DNHD1: variants seen among roughly 807,000 people sequenced by gnomAD.
The protein encoded by DNHD1 is dynein heavy chain domain-containing protein 1.
In DNHD1, 383 loss-of-function variants were observed where a neutral mutation model predicts 458.1. The ratio of observed to expected loss-of-function variants is 0.84; its 90% confidence interval spans 0.77 to 0.91. The LOEUF (loss-of-function observed/expected upper bound fraction) is 0.91, where lower values mean the gene tolerates loss of function less well. Ranked by LOEUF, DNHD1 falls within the 40% of genes least tolerant of loss-of-function variation. The pLI is 0.00. For synonymous variants in DNHD1, 2,203 were observed against 2,376.9 expected (o/e 0.93, Z 2.13); for missense variants, 5,336 against 5,866.1 (o/e 0.91, Z 2.95).
rs182007889 is a variant in DNHD1, at chr11:6,528,550, C to T, written c.1866C>T (p.Asp622=). 30 of 1,550,672 alleles carry T rather than the reference C, an allele frequency of 1.9e-5. No homozygotes were observed. In the African/African-American group the frequency reaches 2.6e-4, roughly 13 times the overall value. Residue 622 remains aspartate, a synonymous_variant, in exon 11 of 43, where the codon GAC becomes GAT. Coordinates refer to ENST00000254579, the MANE Select transcript of DNHD1 (RefSeq NM_144666.3). ...AAGATGAAGAGGAGGACTCAAAAGACGAATTTCTGATGCCCAAGTTCCAGG... is the reference window on the plus strand; with the variant it reads ...AAGATGAAGAGGAGGACTCAAAAGATGAATTTCTGATGCCCAAGTTCCAGG... ...EEEDEEEDSK[D]EFLMPKFQGQ... is the part of the protein sequence containing the mutation.
Position 6,548,540 on chromosome 11 carries a change from AT to A in DNHD1, c.7099-101del. 2 of 1,472,154 alleles carry A rather than the reference AT, an allele frequency of 1.4e-6. No individual in the cohort carries two copies. The highest frequency in any genetic ancestry group is 1.3e-5 in the South Asian group (1 of 78,686). 91.2% of individuals were successfully genotyped at this position (1,472,154 alleles called of 1,614,324 possible). Reference sequence around the variant, plus strand: ...TCACAATCACAAGAATACATGAAATATTTTCCAAGTACAGCTCTAGGACAAG... The same window carrying A: ...TCACAATCACAAGAATACATGAAATATTTCCAAGTACAGCTCTAGGACAAG... On this transcript the variant is annotated intron_variant, in intron 23 of 42. Transcript: ENST00000254579. This position sits in a 1 kb window ranked among gnomAD's most constrained non-coding sequence, Gnocchi z 4.4.
In DNHD1 at chr11:6,548,401, A is replaced by T. The variant is rs1361364262; in HGVS notation, c.7097A>T (p.Gln2366Leu). The T allele has an allele frequency of 6.4e-7, 1 of 1,551,470 alleles. No homozygotes were observed. The highest frequency in any genetic ancestry group is 1.4e-5 in the African/African-American group (1 of 73,046). Reference sequence around the variant, plus strand: ...TTGGGCACCTTTCACCCTTCTATCCAGGTGTGAGGACAGTAAGGCAAGAGC... The same window carrying T: ...TTGGGCACCTTTCACCCTTCTATCCTGGTGTGAGGACAGTAAGGCAAGAGC... Reference protein sequence around the residue: ...GTLGTFHPSIQTERLLYVVDL... With the variant: ...GTLGTFHPSILTERLLYVVDL... Residue 2366 changes from glutamine (Q) to leucine (L), a missense_variant and splice_region_variant, in exon 23 of 43, where the codon CAG (glutamine) becomes CTG (leucine). By Grantham distance (113) the Gln-to-Leu change is moderately radical. Around this residue, in one of 4 missense-constraint regions of DNHD1, gnomAD observed 3,932 missense variants for 4,365.6 expected, o/e 0.90. Transcript: ENST00000254579. This position sits in a 1 kb window ranked among gnomAD's most constrained non-coding sequence, Gnocchi z 4.4.
At chr11:6,520,406 G>A in intron 10 of DNHD1, 117 bp downstream of exon 10, 1 of 1,536,348 alleles carries the variant, frequency 6.5e-7, no homozygotes, top group East Asian at 2.5e-5. Context: ...ACTGGGTGTG[G>A]ATGGAGCAGC....
At position 6,549,077 on chromosome 11, in the gene DNHD1, T is replaced by C. The variant is rs965772411; in HGVS notation, c.7387+144T>C. ...TCTTAATATCTTCTCATTCTACATA[T>C]GCTCCCTGAACAATCCCATCCACTC... On this transcript the variant is annotated intron_variant, in intron 24 of 42. Coordinates refer to ENST00000254579, the MANE Select transcript of DNHD1 (RefSeq NM_144666.3). 24 of 919,522 alleles carry C rather than the reference T, an allele frequency of 2.6e-5. No individual in the cohort carries two copies. In the East Asian group the frequency reaches 4.5e-4, roughly 17 times the overall value. 57.0% of individuals were successfully genotyped at this position (919,522 alleles called of 1,614,324 possible).
At chr11:6,549,167 A>T (rs1476379241) in intron 24 of DNHD1, 1 of 566,068 alleles carries the variant, frequency 1.8e-6, no homozygotes, top group Non-Finnish European at 3.1e-6. Context: ...TAAGCACCAG[A>T]TCTGTCTATC....
chr11:6,506,180 T>G (rs746765496), intron 4 of DNHD1, among the ~76,000 whole-genome samples: 13 of 152,212 alleles, frequency 8.5e-5, no homozygotes, highest in African/African-American at 1.2e-4. Context: ...TAAAGGTAGT[T>G]AAATGTCAAT....
Position 6,546,485 on chromosome 11 carries a change from T to C in DNHD1, c.5546T>C (p.Phe1849Ser). ...TLLGAGMRDA[F>S]QMATRLSKFF... ...CTGGGTGCAGGGATGAGGGATGCCT[T>C]CCAGATGGCTACCCGCCTATCCAAA... Residue 1849 changes from phenylalanine (F) to serine (S), a missense_variant, in exon 21 of 43, where the codon TTC becomes TCC. Phe to Ser is a radical substitution (Grantham distance 155). Around this residue, in one of 4 missense-constraint regions of DNHD1, gnomAD observed 3,932 missense variants for 4,365.6 expected, o/e 0.90. Transcript: ENST00000254579. The C allele has an allele frequency of 6.4e-7, 1 of 1,550,708 alleles. No homozygotes were observed. Among genetic ancestry groups the C allele is most frequent in the Non-Finnish European group, 8.7e-7 (1 of 1,146,986 alleles).
Position 6,556,951 on chromosome 11 carries a change from T to C in DNHD1, c.7656T>C (p.Ser2552=). 1.3e-6 allele frequency: 2 copies of C among 1,551,742 alleles called. No individual in the cohort carries two copies. The highest frequency in any genetic ancestry group is 1.7e-6 in the Non-Finnish European group (2 of 1,146,998). The part of the protein sequence containing the change: ...IIQAWLERFP[S]VERERALARG... ...AGGCTTGGCTTGAGCGTTTCCCTTC[T>C]GTGGAACGGGAGCGTGCTCTGGCAC... The change falls in exon 25 of 43, where the codon TCT becomes TCC. Residue 2552 remains serine (S), a synonymous_variant. Coordinates refer to ENST00000254579, the MANE Select transcript of DNHD1 (RefSeq NM_144666.3).
At chr11:6,510,823 T>C (rs994841432) in intron 6 of DNHD1, among the ~76,000 whole-genome samples, 1 of 152,200 alleles carries the variant, frequency 6.6e-6, no homozygotes, top group Non-Finnish European at 1.5e-5. Context: ...TTGGGAGGTA[T>C]GGATAACAGG....
chr11:6,552,782 G>C (rs973925482), intron 24 of DNHD1, among the ~76,000 whole-genome samples: 3 of 151,970 alleles, frequency 2.0e-5, no homozygotes, highest in Admixed American at 6.6e-5. Context: ...TCAACATATG[G>C]GGATTACAAT....
chr11:6,516,330 G>C (rs1335569249), intron 7 of DNHD1, among the ~76,000 whole-genome samples: 2 of 108,290 alleles, frequency 1.8e-5, no homozygotes, highest in African/African-American at 7.2e-5. Flanking sequence ...TTTCATTCTT[G>C]TCGCCTAGGC....
At chr11:6,502,694 C>G (rs1014206355) in intron 3 of DNHD1, 59 bp from the exon 4 acceptor site, 1 of 1,468,806 alleles carries the variant, frequency 6.8e-7, no homozygotes, top group Non-Finnish European at 9.1e-7. Flanking sequence ...GCAAGGCCTC[C>G]CTCTAAGGTA....
Position 6,562,965 on chromosome 11 carries a change from T to C in DNHD1, c.9520-17T>C, listed in dbSNP as rs985089228. On this transcript the variant is annotated splice_polypyrimidine_tract_variant and intron_variant, in intron 28 of 42. Coordinates refer to ENST00000254579, the MANE Select transcript of DNHD1 (RefSeq NM_144666.3). ...GCCCAAGATCTGGAGCTGCAGGGCCTGGATCTGTCTCTGCAGAGTCTCAGC... is the reference window on the plus strand; with the variant it reads ...GCCCAAGATCTGGAGCTGCAGGGCCCGGATCTGTCTCTGCAGAGTCTCAGC... 2.6e-6 allele frequency: 4 copies of C among 1,549,560 alleles called. No individual in the cohort carries two copies. Among genetic ancestry groups the C allele is most frequent in the Non-Finnish European group, 3.5e-6 (4 of 1,145,612 alleles).
Position 6,564,338 on chromosome 11 carries a change from G to A in DNHD1, c.10290G>A (p.Leu3430=). ...MRAWTTQLQK[L]KGRCMTVFGD... is the part of the protein sequence containing the mutation. ...GGTCTTCCCTTCCACTCCAGAAGCT[G>A]AAGGGACGCTGCATGACTGTGTTTG... is the stretch of plus-strand genomic sequence containing the variant. The change falls in exon 32 of 43, where the codon CTG becomes CTA. Residue 3430 remains leucine, a synonymous_variant. Transcript: ENST00000254579. 1 of 1,533,060 alleles carries A rather than the reference G, an allele frequency of 6.5e-7. No homozygotes were observed. The highest frequency in any genetic ancestry group is 1.2e-5 in the South Asian group (1 of 81,796). 95.0% of individuals were successfully genotyped at this position (1,533,060 alleles called of 1,614,324 possible).
rs1424542883 is a variant in DNHD1, at chr11:6,524,100, A to C, written c.1837+3811A>C. On this transcript the variant is annotated intron_variant, in intron 10 of 42. Transcript: ENST00000254579. ...GTATGTTCTTTTACCAAATTCCATT[A>C]AAAATAGACTAGCTTTTCTTTCCAT... is the stretch of plus-strand genomic sequence containing the variant. Among the ~76,000 whole-genome samples, 6 of 152,360 alleles carry C rather than the reference A, an allele frequency of 3.9e-5. No individual in the cohort carries two copies. The East Asian group carries it at 9.6e-4, about 24-fold the overall frequency.
Position 6,548,533 on chromosome 11 carries a change from A to G in DNHD1, c.7099-112A>G. ...TATATTTTCACAATCACAAGAATAC[A>G]TGAAATATTTTCCAAGTACAGCTCT... On this transcript the variant is annotated intron_variant, in intron 23 of 42. Coordinates refer to ENST00000254579, the MANE Select transcript of DNHD1 (RefSeq NM_144666.3). This position sits in a 1 kb window ranked among gnomAD's most constrained non-coding sequence, Gnocchi z 4.4. 1.4e-6 allele frequency: 2 copies of G among 1,459,126 alleles called. No homozygotes were observed. Among genetic ancestry groups the G allele is most frequent in the Non-Finnish European group, 1.9e-6 (2 of 1,078,746 alleles). The allele number at this position is 1,459,126 out of a possible 1,614,324, so 90.4% of individuals were successfully genotyped here. A position where few individuals can be genotyped will look rare whatever the true frequency, so the allele number is the denominator to read the frequency against.
Position 6,527,018 on chromosome 11 carries a change from A to C in DNHD1, c.1838-1504A>C, listed in dbSNP as rs540621851. Among the ~76,000 whole-genome samples the C allele has an allele frequency of 3.9e-5, 6 of 152,254 alleles. No homozygotes were observed. The East Asian group carries it at 1.2e-3, about 29-fold the overall frequency. ...TTGAGGTTGCAGATGGTTTGACCCC[A>C]CCTACTTGTATTTTAGGATCTGTGA... is the stretch of plus-strand genomic sequence containing the variant. On this transcript the variant is annotated intron_variant, in intron 10 of 42. Coordinates refer to ENST00000254579, the MANE Select transcript of DNHD1 (RefSeq NM_144666.3).
In DNHD1 at chr11:6,564,488, T is replaced by C. The variant is rs147545086; in HGVS notation, c.10440T>C (p.Asp3480=). 9.1e-4 allele frequency: 1,407 copies of C among 1,551,668 alleles called. 11 individuals are homozygous for C. Among genetic ancestry groups the C allele is most frequent in the East Asian group, 4.8e-3 (196 of 40,918 alleles). ...GCTTTCAGGAGGCTCTGGGCCCAGA[T>C]GATGTGGCACAGGCACTGAAGCGGA... The part of the protein sequence containing the change: ...CRGFQEALGP[D]DVAQALKRKQ... Residue 3480 remains aspartate (D), a synonymous_variant, in exon 32 of 43, where the codon GAT becomes GAC. Transcript: ENST00000254579.
chr11:6,564,937 T>C (rs1853665581), intron 32 of DNHD1, 133 bp downstream of exon 32: 2 of 756,644 alleles, frequency 2.6e-6, no homozygotes, highest in African/African-American at 1.8e-5. Flanking sequence ...CACCAGCCTA[T>C]ACTATAGGAA....
Sources: gnomAD v4.1 joint callset for allele counts (sites outside exome capture counted in the v4.1 genomes callset) on GRCh38, gnomAD v4.1.1 for gene constraint, gnomAD v4.1.1 regional missense constraint, Gnocchi (gnomAD v3.1) non-coding constraint, MANE v1.5 for transcripts, NCBI Gene and HGNC (gene_info 2026-07-23, HGNC 2026-07-21) for gene names.